The following CTIF variants were observed in gnomAD, a reference collection of about 807,000 sequenced individuals.
The protein encoded by CTIF is cap binding complex dependent translation initiation factor.
A neutral mutation model predicts 66.0 loss-of-function variants in CTIF; 21 were observed. The ratio of observed to expected loss-of-function variants is 0.32; its 90% CI spans 0.23 to 0.46. The LOEUF (loss-of-function observed/expected upper bound fraction) is 0.46. Ranked by LOEUF, CTIF falls within the 20% of genes least tolerant of loss-of-function variation. The pLI is 1.00. For synonymous variants in CTIF, 345 were observed against 326.4 expected (o/e 1.06, Z -0.62); for missense variants, 739 against 812.7 (o/e 0.91, Z 1.10).
At chr18:48,833,483 C>T (rs1309160449) in intron 10 of CTIF, among the ~76,000 whole-genome samples, 1 of 152,122 alleles carries the variant, frequency 6.6e-6, no homozygotes, top group African/African-American at 2.4e-5. Context: ...CCCCCCTGCC[C>T]CCGCCGCCCT....
At chr18:48,772,947 A>G (rs1038687162) in intron 9 of CTIF, among the ~76,000 whole-genome samples, 4 of 152,224 alleles carry the variant, frequency 2.6e-5, no homozygotes, top group African/African-American at 9.6e-5. Context: ...TGGGGGAAAT[A>G]TCATGAACCA....
At chr18:48,718,159 A>G (rs898126090) in intron 7 of CTIF, among the ~76,000 whole-genome samples, 10 of 152,206 alleles carry the variant, frequency 6.6e-5, no homozygotes, top group Non-Finnish European at 1.5e-4. Context: ...TGTGCTAGCT[A>G]TTAGTGGTCA....
At chr18:48,799,349 A>G (rs1568229253) in intron 9 of CTIF, among the ~76,000 whole-genome samples, 1 of 152,124 alleles carries the variant, frequency 6.6e-6, no homozygotes, top group Non-Finnish European at 1.5e-5. Flanking sequence ...GGGGTAAATA[A>G]CTTGCCCAAG....
At chr18:48,552,537 GCTT>G (rs1043999862) in intron 1 of CTIF, among the ~76,000 whole-genome samples, 2 of 152,156 alleles carry the variant, frequency 1.3e-5, no homozygotes, top group African/African-American at 2.4e-5. Flanking sequence ...CCGTCTCACT[GCTT>G]CTTTTCATGA....
At chr18:48,783,468 A>C (rs545771166) in intron 9 of CTIF, among the ~76,000 whole-genome samples, 1 of 152,122 alleles carries the variant, frequency 6.6e-6, no homozygotes, top group East Asian at 1.9e-4. Flanking sequence ...AGTCCAATAA[A>C]TCTTGGAGCT....
chr18:48,664,909 C>T (rs67413143), intron 5 of CTIF, among the ~76,000 whole-genome samples: 1,900 of 62,068 alleles, frequency 0.031, 407 homozygotes, highest in East Asian at 0.12. Flanking sequence ...GTGTTTCTTT[C>T]TTTTTTTTTT....
Position 48,785,436 on chromosome 18 carries a change from C to G in CTIF, c.1371+23747C>G, listed in dbSNP as rs1020237535. Among the ~76,000 whole-genome samples the G allele has an allele frequency of 7.0e-4, 107 of 152,254 alleles. 1 individual carries two copies. The highest frequency in any genetic ancestry group is 1.3e-4 in the Non-Finnish European group (9 of 68,046). On this transcript the variant is annotated intron_variant, in intron 9 of 11. Coordinates refer to ENST00000256413, the MANE Select transcript of CTIF (RefSeq NM_014772.3). ...GGCCTGCACTGCTGGAGGAACTCCT[C>G]ACATCTCAGGCTGGGGAGCATTTCC...
At chr18:48,791,288 G>A (rs1246978135) in intron 9 of CTIF, among the ~76,000 whole-genome samples, 1 of 152,274 alleles carries the variant, frequency 6.6e-6, no homozygotes, top group Non-Finnish European at 1.5e-5. Flanking sequence ...TAGAGGCAGA[G>A]CAGAATGGAA....
Position 48,618,059 on chromosome 18 carries a change from G to T in CTIF, c.-28-1479G>T, listed in dbSNP as rs377342827. ...TCCTCTCCATTCCCTCACCCTCGGA[G>T]AAGGCAGTGAGGGTGTGGGAGAGTC... On this transcript the variant is annotated intron_variant, in intron 1 of 11. Coordinates refer to ENST00000256413, the MANE Select transcript of CTIF (RefSeq NM_014772.3). Among the ~76,000 whole-genome samples the T allele has an allele frequency of 7.2e-5, 11 of 152,366 alleles. No homozygotes were observed. In the East Asian group the frequency reaches 1.9e-3, roughly 27 times the overall value.
chr18:48,589,270 G>C (rs536154663), intron 1 of CTIF, among the ~76,000 whole-genome samples: 24 of 152,284 alleles, frequency 1.6e-4, no homozygotes, highest in African/African-American at 5.5e-4. Context: ...GGGCCGTCAG[G>C]GGGAGTCTGT....
chr18:48,587,676 C>A (rs541354209), intron 1 of CTIF, among the ~76,000 whole-genome samples: 1 of 152,212 alleles, frequency 6.6e-6, no homozygotes, highest in Admixed American at 6.5e-5. Flanking sequence ...ACTAAGTAAA[C>A]TTCCAGGTCA....
rs1445674209 is a variant in CTIF at position 48,636,691 on chromosome 18, G to C, written c.252+6G>C. The C allele has an allele frequency of 1.3e-6, 2 of 1,590,892 alleles. No individual in the cohort carries two copies. The highest frequency in any genetic ancestry group is 3.6e-5 in the Admixed American group (2 of 55,926). On this transcript the variant is annotated splice_donor_region_variant and intron_variant, in intron 3 of 11. Transcript: ENST00000256413. ...GGCGAGCCCCCCCACAGCAGGTAGG[G>C]AACCAGCTCTGCGCTCTGTCTGGGG...
chr18:48,727,107 T>TACACACAC (rs1172158102), intron 7 of CTIF, among the ~76,000 whole-genome samples: 1 of 130,638 alleles, frequency 7.7e-6, no homozygotes, highest in African/African-American at 3.4e-5. Flanking sequence ...CACACACACG[T>TACACACAC]AGCCAACATA....
intron 7 of CTIF, among the ~76,000 whole-genome samples, chr18:48,712,653 G>C (rs1466169831): frequency 6.6e-6 from 1 of 152,224 alleles, no homozygotes; most frequent in East Asian, 1.9e-4. Flanking sequence ...TTAATGAACA[G>C]AGAATGTTCT....
At chr18:48,699,722 T>C (rs1269455869) in intron 6 of CTIF, among the ~76,000 whole-genome samples, 1 of 152,330 alleles carries the variant, frequency 6.6e-6, no homozygotes. Flanking sequence ...ATGCCATTCA[T>C]GCCCAGTCAT....
intron 3 of CTIF, among the ~76,000 whole-genome samples, chr18:48,641,302 A>C (rs979130067): frequency 6.6e-6 from 1 of 152,232 alleles, no homozygotes. Flanking sequence ...CAAGAACAGG[A>C]AATTAATATG....
chr18:48,759,552 G>A (rs565173736), intron 8 of CTIF, among the ~76,000 whole-genome samples: 60 of 152,310 alleles, frequency 3.9e-4, no homozygotes, highest in Non-Finnish European at 7.9e-4. Context: ...GCTTTAGAGC[G>A]CAGCTGAGCA....
intron 6 of CTIF, among the ~76,000 whole-genome samples, chr18:48,695,146 A>T (rs2091987149): frequency 6.6e-6 from 1 of 152,246 alleles, no homozygotes; most frequent in South Asian, 2.1e-4. Flanking sequence ...GGAAGAAGTG[A>T]GGTGCTCTGG....
intron 2 of CTIF, among the ~76,000 whole-genome samples, chr18:48,630,765 T>C (rs1280887599): frequency 6.6e-6 from 1 of 152,028 alleles, no homozygotes; most frequent in African/African-American, 2.4e-5. Context: ...AAGCTCTGCC[T>C]CCCGAGTTCA....
Sources: allele counts gnomAD v4.1 joint callset (sites outside exome capture counted in the v4.1 genomes callset), GRCh38; gene constraint gnomAD v4.1.1; transcripts MANE v1.5; gene names NCBI Gene and HGNC (gene_info 2026-07-23, HGNC 2026-07-21).